The following ACIN1 variants were observed in gnomAD, a reference collection of about 807,000 sequenced individuals.
ACIN1 encodes the protein apoptotic chromatin condensation inducer 1, also known as apoptotic chromatin condensation inducer in the nucleus.
In ACIN1, 16 loss-of-function variants were observed where a neutral mutation model predicts 146.6. The observed-to-expected ratio is 0.11, with a 90% CI of 0.07 to 0.17. The LOEUF is 0.17. Among genes scored for constraint, ACIN1 ranks in the 10% least tolerant of loss-of-function variants. The pLI is 1.00. For synonymous variants in ACIN1, 569 were observed against 582.7 expected (o/e 0.98, Z 0.34); for missense variants, 1,357 against 1,609.3 (o/e 0.84, Z 2.68).
At chr14:23,074,062 T>C (rs1372371430) in intron 8 of ACIN1, among the ~76,000 whole-genome samples, 1 of 151,706 alleles carries the variant, frequency 6.6e-6, no homozygotes, top group East Asian at 2.0e-4. Flanking sequence ...ATGGTCTCGA[T>C]CTTCTGACCT....
chr14:23,072,708 G>A (rs902632578), intron 8 of ACIN1, among the ~76,000 whole-genome samples: 3 of 152,204 alleles, frequency 2.0e-5, no homozygotes, highest in Non-Finnish European at 4.4e-5. Context: ...AGCTAGGAAT[G>A]AAATTTTCTC....
rs533481161 is a variant in ACIN1 at position 23,067,036 on chromosome 14, C to A, written c.2266-1028G>T. Among the ~76,000 whole-genome samples, 50 of 152,180 alleles carry A rather than the reference C, an allele frequency of 3.3e-4. No homozygotes were observed. Among genetic ancestry groups the A allele is most frequent in the African/African-American group, 1.2e-3 (48 of 41,516 alleles). On this transcript the variant is annotated intron_variant, in intron 9 of 18. Coordinates refer to ENST00000605057, the MANE Select transcript of ACIN1 (RefSeq NM_001386863.1). The surrounding 1 kb of genome is among the most constrained non-coding windows in gnomAD (Gnocchi z 4.6). ...CTTTCCCATCCACCCCCACCCGCAG[C>A]CCCGTTTGTGTCGTCTAACCAAGTC...
In ACIN1 at chr14:23,064,502, A is replaced by G. The variant is rs1566734892; in HGVS notation, c.2309-14T>C. 2 of 1,613,644 alleles carry G rather than the reference A, an allele frequency of 1.2e-6. No homozygotes were observed. Among genetic ancestry groups the G allele is most frequent in the Admixed American group, 1.7e-5 (1 of 59,980 alleles). On this transcript the variant is annotated splice_polypyrimidine_tract_variant and intron_variant, in intron 10 of 18. Coordinates refer to ENST00000605057, the MANE Select transcript of ACIN1 (RefSeq NM_001386863.1). ...CCTTGGTAGCTGCTGTCCCCAAGAA[A>G]TAGACCCAACAGTTAGATGGTCTCA... is the stretch of plus-strand genomic sequence containing the variant.
At position 23,062,976 on chromosome 14, in the gene ACIN1, A is replaced by T. The variant is rs1566733015; in HGVS notation, c.2836T>A (p.Ser946Thr). The T allele has an allele frequency of 1.2e-6, 2 of 1,612,748 alleles. No individual in the cohort carries two copies. Among genetic ancestry groups the T allele is most frequent in the Non-Finnish European group, 1.7e-6 (2 of 1,179,716 alleles). The change falls in exon 14 of 19, where the codon TCC becomes ACC. Residue 946 changes from serine (S) to threonine (T), a missense_variant. Ser to Thr is a moderately conservative substitution (Grantham distance 58, BLOSUM62 1). Coordinates refer to ENST00000605057, the MANE Select transcript of ACIN1 (RefSeq NM_001386863.1). Reference protein sequence around the residue: ...DDPVRTAQVPSPPRGKISNIV... With the variant: ...DDPVRTAQVPTPPRGKISNIV... Reference sequence around the variant, plus strand: ...TTGCTAATCTTGCCCCGGGGTGGGGAGGGCACCTGGGCAGTTCGGACTGGG... The same window carrying T: ...TTGCTAATCTTGCCCCGGGGTGGGGTGGGCACCTGGGCAGTTCGGACTGGG...
chr14:23,071,389 C>G (rs886897724), intron 8 of ACIN1: 3 of 1,549,708 alleles, frequency 1.9e-6, no homozygotes, highest in African/African-American at 2.7e-5. Context: ...GAGGCTAAAA[C>G]AGATCTGGCT....
intron 8 of ACIN1, among the ~76,000 whole-genome samples, chr14:23,071,847 G>A (rs982668050): frequency 2.0e-5 from 3 of 152,164 alleles, no homozygotes; most frequent in Non-Finnish European, 4.4e-5. Context: ...GAAGATTCTA[G>A]AAAATAGAGA....
At chr14:23,078,403 T>A (rs1237498978) in intron 7 of ACIN1, 137 bp from the exon 8 acceptor site, 4 of 610,664 alleles carry the variant, frequency 6.6e-6, no homozygotes, top group Non-Finnish European at 1.1e-5. Context: ...GTATCTGTTA[T>A]TTCATTTTAG....
In ACIN1 at chr14:23,059,126, T is replaced by C. The variant is rs761601206; in HGVS notation, c.*22A>G. ...CCCCTGGGGCCGAGTGGCTGGTACC[T>C]GCAGCTCTAGTGTTTTCCCAGCTAG... is the stretch of plus-strand genomic sequence containing the variant. On this transcript the variant is annotated 3_prime_UTR_variant, in exon 19 of 19. Transcript: ENST00000605057. 6.2e-7 allele frequency: 1 copy of C among 1,609,046 alleles called. No individual in the cohort carries two copies. The highest frequency in any genetic ancestry group is 8.5e-7 in the Non-Finnish European group (1 of 1,177,102).
Position 23,067,025 on chromosome 14 carries a change from C to T in ACIN1, c.2266-1017G>A, listed in dbSNP as rs532906550. 1.6e-4 allele frequency among the ~76,000 whole-genome samples: 25 copies of T among 151,998 alleles called. No homozygotes were observed. Among genetic ancestry groups the T allele is most frequent in the Non-Finnish European group, 3.2e-4 (22 of 67,990 alleles). On this transcript the variant is annotated intron_variant, in intron 9 of 18. Coordinates refer to ENST00000605057, the MANE Select transcript of ACIN1 (RefSeq NM_001386863.1). This position sits in a 1 kb window ranked among gnomAD's most constrained non-coding sequence, Gnocchi z 4.6. Reference sequence around the variant, plus strand: ...TGATGAAATCCCTTTCCCATCCACCCCCACCCGCAGCCCCGTTTGTGTCGT... The same window carrying T: ...TGATGAAATCCCTTTCCCATCCACCTCCACCCGCAGCCCCGTTTGTGTCGT...
chr14:23,063,352 C>A, intron 13 of ACIN1, 84 bp downstream of exon 13: 1 of 1,504,118 alleles, frequency 6.6e-7, no homozygotes. Flanking sequence ...AGGCAGGAAA[C>A]ATTCAAAGCT....
intron 4 of ACIN1, among the ~76,000 whole-genome samples, chr14:23,089,438 T>G (rs1340571519): frequency 6.6e-6 from 1 of 152,174 alleles, no homozygotes; most frequent in African/African-American, 2.4e-5. Flanking sequence ...AGCTCCCTAC[T>G]ATAATATGCT....
At chr14:23,077,675 G>C (rs2047835994) in intron 8 of ACIN1, 1 of 153,182 alleles carries the variant, frequency 6.5e-6, no homozygotes. Context: ...TAAGAACTAG[G>C]ATATCCTAGC....
At chr14:23,091,520 G>A (rs904006486) in intron 2 of ACIN1, among the ~76,000 whole-genome samples, 4 of 147,826 alleles carry the variant, frequency 2.7e-5, no homozygotes, top group African/African-American at 5.0e-5. Flanking sequence ...AACTGAGATC[G>A]TGCCACTGCA....
Position 23,090,648 on chromosome 14 carries a change from T to C in ACIN1, c.205-15A>G. On this transcript the variant is annotated splice_polypyrimidine_tract_variant and intron_variant, in intron 2 of 18. Transcript: ENST00000605057. The stretch of plus-strand genomic sequence containing the variant: ...TCCTCACCAATCTGTGTAGAGGAAA[T>C]GAAAACAGAGGGTCTAGGAAAACAA... 3 of 1,601,552 alleles carry C rather than the reference T, an allele frequency of 1.9e-6. No homozygotes were observed. The highest frequency in any genetic ancestry group is 1.7e-5 in the Admixed American group (1 of 59,514).
Position 23,061,491 on chromosome 14 carries a change from C to T in ACIN1, c.3231G>A (p.Gln1077=), listed in dbSNP as rs148236850. Residue 1077 remains glutamine (Q), a synonymous_variant, in exon 17 of 19, where the codon CAG becomes CAA. Coordinates refer to ENST00000605057, the MANE Select transcript of ACIN1 (RefSeq NM_001386863.1). ...VQPPQHPRAE[Q]REQERAVREQ... is the part of the protein sequence containing the mutation. ...CCCGCACTGCCCGTTCCTGCTCCCGCTGCTCTGCCCGGGGGTGCTGTGGTG... is the reference window on the plus strand; with the variant it reads ...CCCGCACTGCCCGTTCCTGCTCCCGTTGCTCTGCCCGGGGGTGCTGTGGTG... The T allele has an allele frequency of 1.1e-5, 15 of 1,359,300 alleles. No homozygotes were observed. The highest frequency in any genetic ancestry group is 2.1e-4 in the Middle Eastern group (1 of 4,772). The allele number at this position is 1,359,300 out of a possible 1,614,324, so 84.2% of individuals were successfully genotyped here.
intron 2 of ACIN1, 99 bp downstream of exon 2, chr14:23,093,378 AAC>A: frequency 8.3e-7 from 1 of 1,208,552 alleles, no homozygotes; most frequent in Middle Eastern, 1.9e-4. Context: ...AACTTAGGAA[AAC>A]AGTCATGAGG....
At chr14:23,071,358 G>A (rs2047643958) in intron 8 of ACIN1, 4 of 1,530,710 alleles carry the variant, frequency 2.6e-6, no homozygotes, top group Non-Finnish European at 3.5e-6. Flanking sequence ...TAAATGGAAG[G>A]GGAGGTGGTG....
intron 2 of ACIN1, among the ~76,000 whole-genome samples, chr14:23,092,513 ATACT>A (rs2140246894): frequency 6.6e-6 from 1 of 152,328 alleles, no homozygotes; most frequent in African/African-American, 2.4e-5. Flanking sequence ...CTAGATTATG[ATACT>A]TACAGCTTAA....
At chr14:23,071,084 G>A (rs986952792) in intron 8 of ACIN1, 1 of 1,534,532 alleles carries the variant, frequency 6.5e-7, no homozygotes, top group Admixed American at 2.0e-5. Flanking sequence ...GGGAGCTAGG[G>A]CGGCGGGGAA....
Sources: allele counts gnomAD v4.1 joint callset (sites outside exome capture counted in the v4.1 genomes callset), GRCh38; gene constraint gnomAD v4.1.1; non-coding constraint Gnocchi (gnomAD v3.1); transcripts MANE v1.5; gene names NCBI Gene and HGNC (gene_info 2026-07-23, HGNC 2026-07-21).